Variants in PCDH17 observed in about 807,000 individuals in gnomAD.
PCDH17 encodes the protein protocadherin-17.
Under a neutral mutation model 67.7 loss-of-function variants are expected in PCDH17, and 21 were observed. The observed-to-expected ratio is 0.31, with a 90% CI of 0.22 to 0.45. PCDH17 has a LOEUF of 0.45. Ranked by LOEUF, PCDH17 falls within the 20% of genes least tolerant of loss-of-function variation. The pLI, the probability that PCDH17 is intolerant of heterozygous loss-of-function variation, is 1.00. For missense variants in PCDH17, 1,471 were observed against 1,564.8 expected (o/e 0.94, Z 1.01); for synonymous variants, 701 against 656.7 (o/e 1.07, Z -1.03).
intron 1 of PCDH17, among the ~76,000 whole-genome samples, chr13:57,660,141 G>A (rs887838145): frequency 6.6e-5 from 10 of 152,114 alleles, no homozygotes; most frequent in African/African-American, 1.9e-4. Flanking sequence ...AATTACTTGC[G>A]CGGCTGAGGC....
At chr13:57,713,549 G>C (rs1955794502) in intron 3 of PCDH17, among the ~76,000 whole-genome samples, 1 of 151,492 alleles carries the variant, frequency 6.6e-6, no homozygotes, top group African/African-American at 2.4e-5. Context: ...TTAGTGGTAG[G>C]GGTATTGTTT....
At chr13:57,674,969 A>G (rs1464545405) in intron 3 of PCDH17, among the ~76,000 whole-genome samples, 3 of 151,906 alleles carry the variant, frequency 2.0e-5, no homozygotes, top group Non-Finnish European at 4.4e-5. Flanking sequence ...AGGCAATACT[A>G]GTTCCAGGTT....
chr13:57,716,726 A>G (rs568715585), intron 3 of PCDH17, among the ~76,000 whole-genome samples: 1 of 152,006 alleles, frequency 6.6e-6, no homozygotes, highest in South Asian at 2.1e-4. Flanking sequence ...TCATCGGTAA[A>G]GAGATATAGT....
intron 3 of PCDH17, among the ~76,000 whole-genome samples, chr13:57,712,679 A>G (rs567687462): frequency 2.0e-5 from 3 of 151,722 alleles, no homozygotes; most frequent in Admixed American, 6.6e-5. Flanking sequence ...CTAAGATTGA[A>G]TGAAAAGATT....
Position 57,634,070 on chromosome 13 carries a change from C to T in PCDH17, c.1524C>T (p.Ser508=). The T allele has an allele frequency of 6.2e-7, 1 of 1,613,456 alleles. No individual in the cohort carries two copies. The highest frequency in any genetic ancestry group is 8.5e-7 in the Non-Finnish European group (1 of 1,180,024). Residue 508 remains serine (S), a synonymous_variant, in exon 1 of 4, where the codon TCC becomes TCT. Coordinates refer to ENST00000377918, the MANE Select transcript of PCDH17 (RefSeq NM_001040429.3). The surrounding 1 kb of genome is among the most constrained non-coding windows in gnomAD (Gnocchi z 7.8). ...DPDLGQNGTV[S]YSILPSHIGD... ...ACCTGGGCCAGAACGGCACCGTATC[C>T]TACTCTATCCTGCCCTCGCACATCG...
At chr13:57,668,737 C>G (rs1007946522) in intron 3 of PCDH17, among the ~76,000 whole-genome samples, 1 of 151,800 alleles carries the variant, frequency 6.6e-6, no homozygotes, top group Non-Finnish European at 1.5e-5. Context: ...GCCACACATC[C>G]CTATTAGTAA....
chr13:57,722,243 A>C (rs1955877473), intron 3 of PCDH17, among the ~76,000 whole-genome samples: 1 of 152,172 alleles, frequency 6.6e-6, no homozygotes, highest in Admixed American at 6.6e-5. Context: ...TCTGTGTCTT[A>C]AATTCATACT....
At chr13:57,682,202 A>T (rs1955457969) in intron 3 of PCDH17, among the ~76,000 whole-genome samples, 1 of 151,742 alleles carries the variant, frequency 6.6e-6, no homozygotes, top group African/African-American at 2.4e-5. Context: ...CCAGTTAGAA[A>T]CAAAGGAATT....
chr13:57,632,450 T>G lies in PCDH17; in HGVS notation c.-97T>G. The G allele has an allele frequency of 7.8e-7, 1 of 1,283,554 alleles. No individual in the cohort carries two copies. The highest frequency in any genetic ancestry group is 1.5e-5 in the South Asian group (1 of 68,860). The allele number at this position is 1,283,554 out of a possible 1,614,324, so 79.5% of individuals were successfully genotyped here. ...AGGACCCATAGACTTGTGGCTCGCG[T>G]CGCGCGCGCACGCTGCGCCAGGGCC... On this transcript the variant is annotated 5_prime_UTR_variant, in exon 1 of 4. Coordinates refer to ENST00000377918, the MANE Select transcript of PCDH17 (RefSeq NM_001040429.3).
At position 57,632,091 on chromosome 13, in the gene PCDH17, G is replaced by C. The variant is rs181340004; in HGVS notation, c.-456G>C. On this transcript the variant is annotated 5_prime_UTR_variant, in exon 1 of 4. Transcript: ENST00000377918. ...CCCCACTCGATGTGAAGAGTATTCC[G>C]GAGTCTCCGGGCGGGAGTAGATTTG... 2 of 212,926 alleles carry C rather than the reference G, an allele frequency of 9.4e-6. No individual in the cohort carries two copies. The highest frequency in any genetic ancestry group is 4.7e-5 in the African/African-American group (2 of 42,216). 13.2% of individuals were successfully genotyped at this position (212,926 alleles called of 1,614,324 possible).
intron 3 of PCDH17, among the ~76,000 whole-genome samples, chr13:57,674,217 T>C (rs1955359371): frequency 6.6e-6 from 1 of 152,048 alleles, no homozygotes; most frequent in Non-Finnish European, 1.5e-5. Flanking sequence ...AAAAGCCCTC[T>C]CCTGCCTTAT....
intron 1 of PCDH17, among the ~76,000 whole-genome samples, chr13:57,642,700 G>C (rs998059640): frequency 1.3e-4 from 19 of 151,074 alleles, no homozygotes; most frequent in African/African-American, 3.9e-4. Context: ...AAATTTTCAT[G>C]GTCTCCAATT....
chr13:57,677,378 C>A (rs910156489), intron 3 of PCDH17, among the ~76,000 whole-genome samples: 3 of 151,788 alleles, frequency 2.0e-5, no homozygotes, highest in Non-Finnish European at 4.4e-5. Context: ...AATACTTATT[C>A]AATGAAGATT....
At chr13:57,685,565 C>T (rs1329908896) in intron 3 of PCDH17, among the ~76,000 whole-genome samples, 1 of 151,734 alleles carries the variant, frequency 6.6e-6, no homozygotes. Flanking sequence ...GTTATGAATA[C>T]CAGTCTAAAA....
chr13:57,679,931 TTA>T (rs1335434463), intron 3 of PCDH17, among the ~76,000 whole-genome samples: 2 of 151,382 alleles, frequency 1.3e-5, no homozygotes, highest in African/African-American at 4.8e-5. Context: ...ACTCATGGGG[TTA>T]TGTTTTGATG....
chr13:57,634,076 T>C lies in PCDH17; in HGVS notation c.1530T>C (p.Ser510=). Residue 510 remains serine (S), a synonymous_variant, in exon 1 of 4, where the codon TCT becomes TCC. Coordinates refer to ENST00000377918, the MANE Select transcript of PCDH17 (RefSeq NM_001040429.3). This position sits in a 1 kb window ranked among gnomAD's most constrained non-coding sequence, Gnocchi z 7.8. The part of the protein sequence containing the change: ...DLGQNGTVSY[S]ILPSHIGDVS... ...GCCAGAACGGCACCGTATCCTACTCTATCCTGCCCTCGCACATCGGCGACG... is the reference window on the plus strand; with the variant it reads ...GCCAGAACGGCACCGTATCCTACTCCATCCTGCCCTCGCACATCGGCGACG... 6.2e-7 allele frequency: 1 copy of C among 1,613,472 alleles called. No homozygotes were observed. The highest frequency in any genetic ancestry group is 1.6e-4 in the Middle Eastern group (1 of 6,062).
At chr13:57,665,225 T>C (rs1955235684) in intron 1 of PCDH17, among the ~76,000 whole-genome samples, 1 of 149,898 alleles carries the variant, frequency 6.7e-6, no homozygotes, top group Non-Finnish European at 1.5e-5. Flanking sequence ...CTTTAAACTA[T>C]CATTCTTTAA....
At chr13:57,707,334 C>T (rs1955729913) in intron 3 of PCDH17, among the ~76,000 whole-genome samples, 1 of 145,714 alleles carries the variant, frequency 6.9e-6, no homozygotes. Flanking sequence ...GATATATGAC[C>T]GTGTGTGTGT....
At chr13:57,696,621 A>G (rs1955611450) in intron 3 of PCDH17, among the ~76,000 whole-genome samples, 1 of 151,458 alleles carries the variant, frequency 6.6e-6, no homozygotes, top group African/African-American at 2.4e-5. Flanking sequence ...AATATACCAT[A>G]TTTTAAAATA....
Sources: allele counts gnomAD v4.1 joint callset (sites outside exome capture counted in the v4.1 genomes callset), GRCh38; gene constraint gnomAD v4.1.1; non-coding constraint Gnocchi (gnomAD v3.1); transcripts MANE v1.5; gene names NCBI Gene and HGNC (gene_info 2026-07-23, HGNC 2026-07-21).